WTIP: variants seen among roughly 807,000 people sequenced by gnomAD.
WTIP encodes the protein Wilms tumor protein 1-interacting protein.
WTIP carries 23 observed loss-of-function variants against 41.7 expected under a neutral mutation model. That is an observed-to-expected ratio of 0.55 (90% CI 0.40 to 0.78). The LOEUF is 0.78. Among genes scored for constraint, WTIP ranks in the 30% least tolerant of loss-of-function variants. The pLI, the probability that WTIP is intolerant of heterozygous loss-of-function variation, is 0.00. For missense variants in WTIP, 619 were observed against 610.5 expected (o/e 1.01, Z -0.15); for synonymous variants, 314 against 269.9 (o/e 1.16, Z -1.60).
At chr19:34,492,959 G>A in intron 2 of WTIP, 78 bp from the exon 3 acceptor site, 1 of 1,416,964 alleles carries the variant, frequency 7.1e-7, no homozygotes, top group Non-Finnish European at 1.0e-6. Flanking sequence ...GTTGGAGGAG[G>A]GTGCTGAGAG....
In WTIP at chr19:34,500,181, C is replaced by T. The variant is rs1309764162; in HGVS notation, c.1205C>T (p.Ala402Val). Residue 402 changes from alanine to valine, a missense_variant, in exon 8 of 8, where the codon GCG (alanine) becomes GTG (valine). Ala to Val is a moderately conservative substitution (Grantham distance 64). This residue lies in a region of WTIP where 92 missense variants were observed against 82.4 expected (regional missense o/e 1.12). Transcript: ENST00000590071. ...GEEGRRCYPL[A>V]GHLLCRRCHL... ...GAGGGACGCCGTTGCTATCCCCTGG[C>T]GGGCCACCTACTGTGTCGTCGTTGC... The T allele has an allele frequency of 6.2e-7, 1 of 1,603,436 alleles. No individual in the cohort carries two copies. The highest frequency in any genetic ancestry group is 8.5e-7 in the Non-Finnish European group (1 of 1,179,730).
At chr19:34,497,977 C>T (rs891444913) in intron 7 of WTIP, among the ~76,000 whole-genome samples, 4 of 152,246 alleles carry the variant, frequency 2.6e-5, no homozygotes, top group Admixed American at 1.3e-4. Context: ...TGTGCTGCCG[C>T]GAGGCTGTTG....
In WTIP at chr19:34,482,451, C is replaced by G. The variant is rs999575527; in HGVS notation, c.477C>G (p.Phe159Leu). ...GCTCGGCCGGCGCCTACGCTGACTT[C>G]CTCCCGCCCGGCGCCTGCCCCGCGC... ...SRGSAGAYADFLPPGACPAPA... is the reference protein window; with the variant it reads ...SRGSAGAYADLLPPGACPAPA... Residue 159 changes from phenylalanine (F) to leucine (L), a missense_variant, in exon 1 of 8, where the codon TTC (phenylalanine) becomes TTG (leucine). By Grantham distance (22) the Phe-to-Leu change is conservative. Around this residue, in one of 3 missense-constraint regions of WTIP, gnomAD observed 363 missense variants for 309.0 expected, o/e 1.17. Coordinates refer to ENST00000590071, the MANE Select transcript of WTIP (RefSeq NM_001080436.2). The G allele has an allele frequency of 4.6e-6, 6 of 1,293,732 alleles. No homozygotes were observed. In the Admixed American group the frequency reaches 1.2e-4, roughly 25 times the overall value. 80.1% of individuals were successfully genotyped at this position (1,293,732 alleles called of 1,614,324 possible). A position where few individuals can be genotyped will look rare whatever the true frequency, so the allele number is the denominator to read the frequency against.
chr19:34,496,197 A>C lies in WTIP; in HGVS notation c.1152+426A>C, dbSNP rs117640385. Among the ~76,000 whole-genome samples the C allele has an allele frequency of 4.5e-3, 684 of 152,324 alleles. 41 individuals carry two copies. In the East Asian group the frequency reaches 0.11, roughly 26 times the overall value. Reference sequence around the variant, plus strand: ...TTTAAAATTTTTATTTATTAGAGACAAGATCTCACTCTTGCTCAGACTGGA... The same window carrying C: ...TTTAAAATTTTTATTTATTAGAGACCAGATCTCACTCTTGCTCAGACTGGA... On this transcript the variant is annotated intron_variant, in intron 7 of 7. Transcript: ENST00000590071.
chr19:34,485,824 G>A (rs954612950), intron 1 of WTIP, among the ~76,000 whole-genome samples: 4 of 152,090 alleles, frequency 2.6e-5, no homozygotes, highest in African/African-American at 9.7e-5. Flanking sequence ...TGAACTTCTG[G>A]ATTCAGGCGA....
At chr19:34,489,091 C>A (rs933423820) in intron 1 of WTIP, among the ~76,000 whole-genome samples, 25 of 143,700 alleles carry the variant, frequency 1.7e-4, no homozygotes, top group African/African-American at 5.4e-4. Context: ...CCCAGCTACT[C>A]GGGAGGCTGA....
Position 34,495,797 on chromosome 19 carries a change from G to T in WTIP, c.1152+26G>T. On this transcript the variant is annotated intron_variant, in intron 7 of 7. Transcript: ENST00000590071. Reference sequence around the variant, plus strand: ...GTGAGCCTGGGCCCACAGGAGGCTGGCAGCTGGGGCAGGCCTCCTCCCACA... The same window carrying T: ...GTGAGCCTGGGCCCACAGGAGGCTGTCAGCTGGGGCAGGCCTCCTCCCACA... 3 of 1,611,050 alleles carry T rather than the reference G, an allele frequency of 1.9e-6. No homozygotes were observed. In the African/African-American group the frequency reaches 4.0e-5, roughly 21 times the overall value.
chr19:34,483,183 C>CTTTTTTTTTT, intron 1 of WTIP, among the ~76,000 whole-genome samples: 1 of 102,602 alleles, frequency 9.7e-6, no homozygotes, highest in Non-Finnish European at 2.0e-5. Flanking sequence ...CTTCTTCTTA[C>CTTTTTTTTTT]TTTTTTTTTT....
chr19:34,498,286 T>C (rs2075866139), intron 7 of WTIP, among the ~76,000 whole-genome samples: 2 of 151,218 alleles, frequency 1.3e-5, no homozygotes, highest in Admixed American at 1.3e-4. Flanking sequence ...CTCTCACCAT[T>C]GCCTCTTCAG....
rs923202975 is a variant in WTIP at position 34,500,044 on chromosome 19, C to G, written c.1153-85C>G. 7.8e-6 allele frequency: 12 copies of G among 1,536,250 alleles called. No homozygotes were observed. In the African/African-American group the frequency reaches 1.1e-4, roughly 14 times the overall value. On this transcript the variant is annotated intron_variant, in intron 7 of 7. Transcript: ENST00000590071. The stretch of plus-strand genomic sequence containing the variant: ...TTTGCGGCACCCTGCAGATCTGCCC[C>G]TCCCCTCCGTCCCTCCCCCGTCCCG...
chr19:34,485,330 G>C (rs1456100669), intron 1 of WTIP, among the ~76,000 whole-genome samples: 1 of 152,152 alleles, frequency 6.6e-6, no homozygotes, highest in Non-Finnish European at 1.5e-5. Flanking sequence ...TGATCCACCT[G>C]CCTCGGCCTC....
chr19:34,491,452 T>A (rs2075824681), intron 2 of WTIP, among the ~76,000 whole-genome samples: 1 of 151,904 alleles, frequency 6.6e-6, no homozygotes. Context: ...GCCTCCCGAG[T>A]AGCTGGGATT....
At position 34,500,143 on chromosome 19, in the gene WTIP, G is replaced by T; in HGVS notation, c.1167G>T (p.Gln389His). The T allele has an allele frequency of 6.2e-7, 1 of 1,600,386 alleles. No homozygotes were observed. The highest frequency in any genetic ancestry group is 8.5e-7 in the Non-Finnish European group (1 of 1,179,772). Reference sequence around the variant, plus strand: ...TTCTTCCCTAGGACTGCGGGCTGCAGCTGAGCGGGGAGGAGGGACGCCGTT... The same window carrying T: ...TTCTTCCCTAGGACTGCGGGCTGCATCTGAGCGGGGAGGAGGGACGCCGTT... Reference protein sequence around the residue: ...ACYHCEDCGLQLSGEEGRRCY... With the variant: ...ACYHCEDCGLHLSGEEGRRCY... The change falls in exon 8 of 8, where the codon CAG becomes CAT. Residue 389 changes from glutamine (Q) to histidine (H), a missense_variant. Around this residue, in one of 3 missense-constraint regions of WTIP, gnomAD observed 92 missense variants for 82.4 expected, o/e 1.12. Transcript: ENST00000590071.
chr19:34,490,093 A>G (rs2075817922), intron 1 of WTIP, among the ~76,000 whole-genome samples: 1 of 152,212 alleles, frequency 6.6e-6, no homozygotes, highest in Non-Finnish European at 1.5e-5. Context: ...TCAAAAACCA[A>G]AAGAATCTAT....
chr19:34,496,940 G>T (rs1273750075), intron 7 of WTIP, among the ~76,000 whole-genome samples: 2 of 152,088 alleles, frequency 1.3e-5, no homozygotes, highest in African/African-American at 2.4e-5. Flanking sequence ...TCAGCTCACT[G>T]CAAGCTCCGC....
Position 34,500,113 on chromosome 19 carries a change from C to A in WTIP, c.1153-16C>A. 6.3e-7 allele frequency: 1 copy of A among 1,598,018 alleles called. No homozygotes were observed. Among genetic ancestry groups the A allele is most frequent in the Non-Finnish European group, 8.5e-7 (1 of 1,179,116 alleles). ...TGTCTGCTGACTCTGGGGCTGGGGG[C>A]TGTGTTCTTCCCTAGGACTGCGGGC... On this transcript the variant is annotated splice_polypyrimidine_tract_variant and intron_variant, in intron 7 of 7. Coordinates refer to ENST00000590071, the MANE Select transcript of WTIP (RefSeq NM_001080436.2).
Position 34,500,512 on chromosome 19 carries a change from C to T in WTIP, c.*243C>T, listed in dbSNP as rs1232385439. 28 of 532,576 alleles carry T rather than the reference C, an allele frequency of 5.3e-5. No individual in the cohort carries two copies. In the East Asian group the frequency reaches 7.3e-4, roughly 14 times the overall value. The allele number at this position is 532,576 out of a possible 1,614,324, so 33.0% of individuals were successfully genotyped here. On this transcript the variant is annotated 3_prime_UTR_variant, in exon 8 of 8. Transcript: ENST00000590071. Reference sequence around the variant, plus strand: ...CACCAGCTTTCCACTTGGAGGCCCCCTGTGCCCTGCAGCCTCAGGGTAGGC... The same window carrying T: ...CACCAGCTTTCCACTTGGAGGCCCCTTGTGCCCTGCAGCCTCAGGGTAGGC...
chr19:34,482,738 A>C, intron 1 of WTIP, 97 bp downstream of exon 1: 2 of 1,201,302 alleles, frequency 1.7e-6, no homozygotes, highest in Non-Finnish European at 2.1e-6. Flanking sequence ...GGAGGAGAGC[A>C]CGGGGCTGGC....
chr19:34,499,030 A>C (rs1227442301), intron 7 of WTIP, among the ~76,000 whole-genome samples: 1 of 151,554 alleles, frequency 6.6e-6, no homozygotes, highest in South Asian at 2.1e-4. Flanking sequence ...TCAGCATAGC[A>C]AGACGCCATG....
Sources: allele counts gnomAD v4.1 joint callset (sites outside exome capture counted in the v4.1 genomes callset), GRCh38; gene constraint gnomAD v4.1.1; regional missense constraint gnomAD v4.1.1; transcripts MANE v1.5; gene names NCBI Gene and HGNC (gene_info 2026-07-23, HGNC 2026-07-21).